Variants in STEAP1B observed in about 807,000 individuals in gnomAD.
STEAP1B encodes STEAP family protein MGC87042.
A neutral mutation model predicts 27.9 loss-of-function variants in STEAP1B; 13 were observed. The ratio of observed to expected loss-of-function variants is 0.47; its 90% CI spans 0.30 to 0.74. STEAP1B has a LOEUF of 0.74. Ranked by LOEUF, STEAP1B falls within the 30% of genes least tolerant of loss-of-function variation. The probability of loss-of-function intolerance (pLI) is 0.06; values close to 1 mark genes in which losing one functional copy is unlikely to be tolerated. For synonymous variants in STEAP1B, 86 were observed against 107.1 expected (o/e 0.80, Z 1.22); for missense variants, 250 against 298.7 (o/e 0.84, Z 1.20).
chr7:22,492,349 G>GAAAAAAAA (rs1371957621), intron 4 of STEAP1B: 1 of 185,124 alleles, frequency 5.4e-6, no homozygotes, highest in African/African-American at 3.0e-5. Context: ...AAAAAAAAAG[G>GAAAAAAAA]ATATTTTAAT....
At chr7:22,466,516 T>C (rs1562577148) in intron 4 of STEAP1B, among the ~76,000 whole-genome samples, 3 of 152,152 alleles carry the variant, frequency 2.0e-5, no homozygotes, top group Admixed American at 6.5e-5. Flanking sequence ...CAGATTCTTC[T>C]ATTATGGACC....
intron 1 of STEAP1B, among the ~76,000 whole-genome samples, chr7:22,497,007 C>A (rs1050131141): frequency 1.6e-4 from 25 of 152,186 alleles, no homozygotes; most frequent in African/African-American, 6.0e-4. Flanking sequence ...TGCCCACATT[C>A]TTTTCTGATT....
chr7:22,469,824 G>C (rs1296156903), intron 4 of STEAP1B, among the ~76,000 whole-genome samples: 1 of 152,150 alleles, frequency 6.6e-6, no homozygotes, highest in Non-Finnish European at 1.5e-5. Context: ...TGATGCATGA[G>C]TGCATACTGC....
chr7:22,448,848 C>T (rs1463569532), intron 4 of STEAP1B, among the ~76,000 whole-genome samples: 1 of 152,168 alleles, frequency 6.6e-6, no homozygotes, highest in Non-Finnish European at 1.5e-5. Context: ...AAGGCTGCTT[C>T]CCTGGGAGCC....
chr7:22,428,487 G>A (rs1319848315), intron 4 of STEAP1B, among the ~76,000 whole-genome samples: 5 of 149,208 alleles, frequency 3.4e-5, no homozygotes. Context: ...GACAAGAAGA[G>A]GGAGAGGAAG....
chr7:22,426,938 T>C (rs765151158), intron 4 of STEAP1B, among the ~76,000 whole-genome samples: 1 of 152,118 alleles, frequency 6.6e-6, no homozygotes, highest in Non-Finnish European at 1.5e-5. Flanking sequence ...GACTGCTGGA[T>C]AATAATGTAA....
intron 4 of STEAP1B, among the ~76,000 whole-genome samples, chr7:22,456,116 C>T (rs945213084): frequency 6.6e-6 from 1 of 151,586 alleles, no homozygotes; most frequent in South Asian, 2.1e-4. Flanking sequence ...CACTGCCCTC[C>T]GGCCTGGGCA....
At chr7:22,445,652 C>G (rs1785398553) in intron 4 of STEAP1B, among the ~76,000 whole-genome samples, 1 of 152,240 alleles carries the variant, frequency 6.6e-6, no homozygotes, top group African/African-American at 2.4e-5. Context: ...CCTTTTCCGG[C>G]TTGGGGGAAG....
At position 22,493,354 on chromosome 7, in the gene STEAP1B, T is replaced by C. The variant is rs1401633977; in HGVS notation, c.567A>G (p.Arg189=). 3.1e-6 allele frequency: 5 copies of C among 1,613,626 alleles called. No individual in the cohort carries two copies. The highest frequency in any genetic ancestry group is 1.3e-5 in the African/African-American group (1 of 74,924). Residue 189 remains arginine (R), a synonymous_variant, in exon 3 of 5, where the codon AGA becomes AGG. Transcript: ENST00000678116. ...TLSYAMRRSY[R]YKLLNWAYQQ... ...GATATGCCCAGTTTAGCAACTTGTA[T>C]CTGTAGGATCGCCTCATTGCGTAAG... is the stretch of plus-strand genomic sequence containing the variant.
At chr7:22,445,392 C>T (rs1487531202) in intron 4 of STEAP1B, among the ~76,000 whole-genome samples, 2 of 152,394 alleles carry the variant, frequency 1.3e-5, no homozygotes, top group African/African-American at 4.8e-5. Context: ...CTGGGCCATG[C>T]CCCTTTGGGC....
chr7:22,487,244 A>G (rs1201619618), intron 4 of STEAP1B, among the ~76,000 whole-genome samples: 1 of 152,024 alleles, frequency 6.6e-6, no homozygotes, highest in Non-Finnish European at 1.5e-5. Context: ...GGCTGCAGTG[A>G]GCTGTGATCG....
chr7:22,477,660 G>T (rs1219458360), intron 4 of STEAP1B, among the ~76,000 whole-genome samples: 1 of 151,754 alleles, frequency 6.6e-6, no homozygotes, highest in East Asian at 1.9e-4. Flanking sequence ...ATCCTCACTT[G>T]CATTTGCCCT....
At chr7:22,446,073 T>C (rs1430212992) in intron 4 of STEAP1B, among the ~76,000 whole-genome samples, 1 of 152,266 alleles carries the variant, frequency 6.6e-6, no homozygotes, top group Non-Finnish European at 1.5e-5. Flanking sequence ...TGGTCAACTG[T>C]AAATGCAGTT....
intron 3 of STEAP1B, 28 bp downstream of exon 3, chr7:22,493,296 A>G (rs2128417967): frequency 1.9e-6 from 3 of 1,572,740 alleles, no homozygotes; most frequent in African/African-American, 2.7e-5. Flanking sequence ...ACTTTTTATT[A>G]GTAACAGTGA....
chr7:22,484,024 AAGCTGGC>A (rs1786131613), intron 4 of STEAP1B, among the ~76,000 whole-genome samples: 1 of 152,236 alleles, frequency 6.6e-6, no homozygotes, highest in South Asian at 2.1e-4. Flanking sequence ...AGCTGCAGAA[AAGCTGGC>A]AGCTACCAGG....
At chr7:22,477,020 G>T (rs1011410991) in intron 4 of STEAP1B, among the ~76,000 whole-genome samples, 9 of 152,218 alleles carry the variant, frequency 5.9e-5, no homozygotes, top group Non-Finnish European at 2.9e-5. Context: ...TTTCTTCAAA[G>T]CCACATAGGG....
At chr7:22,494,353 A>C (rs1171206678) in intron 2 of STEAP1B, among the ~76,000 whole-genome samples, 1 of 152,054 alleles carries the variant, frequency 6.6e-6, no homozygotes, top group Non-Finnish European at 1.5e-5. Context: ...TTACTAGATG[A>C]TCTCTTGGTA....
intron 4 of STEAP1B, among the ~76,000 whole-genome samples, chr7:22,470,690 AGAAAAACTGGT>A (rs1366576181): frequency 8.5e-5 from 13 of 152,190 alleles, no homozygotes; most frequent in Admixed American, 8.5e-4. Flanking sequence ...ATCCTGGAAT[AGAAAAACTGGT>A]GAAAAACATA....
chr7:22,487,556 C>T (rs1281506766), intron 4 of STEAP1B, among the ~76,000 whole-genome samples: 3 of 132,242 alleles, frequency 2.3e-5, no homozygotes, highest in Admixed American at 7.8e-5. Flanking sequence ...TTTAGGACGC[C>T]GAGGATGGCG....
Sources: gnomAD v4.1 joint callset for allele counts (sites outside exome capture counted in the v4.1 genomes callset) on GRCh38, gnomAD v4.1.1 for gene constraint, MANE v1.5 for transcripts, NCBI Gene and HGNC (gene_info 2026-07-23, HGNC 2026-07-21) for gene names.